The following BRINP3 variants were observed in gnomAD, a reference collection of about 807,000 sequenced individuals.
BRINP3 encodes BMP/retinoic acid inducible neural specific 3.
In BRINP3, 19 loss-of-function variants were observed where a neutral mutation model predicts 71.0. The observed-to-expected ratio is 0.27, with a 90% CI of 0.19 to 0.39. BRINP3 has a LOEUF of 0.39. Ranked by LOEUF, BRINP3 falls within the 10% of genes least tolerant of loss-of-function variation. BRINP3 has a pLI of 1.00. For synonymous variants in BRINP3, 380 were observed against 337.7 expected, an observed-to-expected ratio of 1.13 and a Z score of -1.37; for missense variants, 959 against 940.8, an observed-to-expected ratio of 1.02 and a Z score of -0.25.
intron 7 of BRINP3, among the ~76,000 whole-genome samples, chr1:190,130,634 G>T (rs747803156): frequency 1.3e-5 from 2 of 151,928 alleles, no homozygotes; most frequent in Non-Finnish European, 2.9e-5. Context: ...TCTAAAGAAC[G>T]GTAAGTATTC....
chr1:190,152,851 A>G (rs1285517001), intron 7 of BRINP3, among the ~76,000 whole-genome samples: 1 of 152,128 alleles, frequency 6.6e-6, no homozygotes, highest in Non-Finnish European at 1.5e-5. Flanking sequence ...TAGTATAATA[A>G]AGAGTACCAA....
At chr1:190,189,293 G>T (rs1230515654) in intron 6 of BRINP3, among the ~76,000 whole-genome samples, 1 of 152,048 alleles carries the variant, frequency 6.6e-6, no homozygotes. Context: ...TTGGACAGGA[G>T]ACTTTTTATT....
chr1:190,107,264 C>T (rs547827708), intron 7 of BRINP3, among the ~76,000 whole-genome samples: 11 of 151,894 alleles, frequency 7.2e-5, no homozygotes, highest in Admixed American at 2.0e-4. Flanking sequence ...ATATTTTCTT[C>T]GAAGCCTTTA....
intron 7 of BRINP3, among the ~76,000 whole-genome samples, chr1:190,100,018 G>A (rs1324019601): frequency 2.0e-5 from 3 of 152,128 alleles, no homozygotes; most frequent in Non-Finnish European, 4.4e-5. Flanking sequence ...TTTTCAGTTT[G>A]TTGCTTTCTC....
intron 2 of BRINP3, among the ~76,000 whole-genome samples, chr1:190,344,334 C>G (rs967647205): frequency 6.6e-6 from 1 of 151,784 alleles, no homozygotes; most frequent in African/African-American, 2.4e-5. Context: ...TGAGTAAATT[C>G]TCTAAGGTCA....
chr1:190,198,243 T>C (rs967259038), intron 6 of BRINP3, among the ~76,000 whole-genome samples: 2 of 152,146 alleles, frequency 1.3e-5, no homozygotes, highest in African/African-American at 4.8e-5. Flanking sequence ...AGGCCTGTGA[T>C]AGGAGAGACT....
chr1:190,220,949 T>C (rs920187612), intron 6 of BRINP3, among the ~76,000 whole-genome samples: 3 of 152,140 alleles, frequency 2.0e-5, no homozygotes, highest in African/African-American at 7.2e-5. Context: ...GTAAAATCTG[T>C]CAAAAACAGT....
intron 6 of BRINP3, among the ~76,000 whole-genome samples, chr1:190,220,126 G>A (rs1414986283): frequency 2.0e-5 from 3 of 151,922 alleles, no homozygotes; most frequent in African/African-American, 4.8e-5. Flanking sequence ...ATTCAATCCC[G>A]ATAAGACTAC....
At chr1:190,250,403 C>T (rs1431363212) in intron 4 of BRINP3, among the ~76,000 whole-genome samples, 1 of 151,850 alleles carries the variant, frequency 6.6e-6, no homozygotes, top group Non-Finnish European at 1.5e-5. Flanking sequence ...TCTTTTTTAA[C>T]TTGATATTTG....
intron 7 of BRINP3, among the ~76,000 whole-genome samples, chr1:190,115,658 C>A (rs930461059): frequency 1.3e-5 from 2 of 152,128 alleles, no homozygotes; most frequent in African/African-American, 4.8e-5. Flanking sequence ...CTCTGCCTCA[C>A]CAACCTCAGT....
intron 2 of BRINP3, among the ~76,000 whole-genome samples, chr1:190,383,335 A>T (rs569850303): frequency 2.0e-5 from 3 of 152,078 alleles, no homozygotes; most frequent in Non-Finnish European, 4.4e-5. Flanking sequence ...GGTAATTATG[A>T]GCACATACAG....
At chr1:190,376,399 G>A (rs1670183515) in intron 2 of BRINP3, among the ~76,000 whole-genome samples, 1 of 151,976 alleles carries the variant, frequency 6.6e-6, no homozygotes, top group Non-Finnish European at 1.5e-5. Flanking sequence ...AATCAGTGCT[G>A]TTAAATGAAA....
intron 6 of BRINP3, among the ~76,000 whole-genome samples, chr1:190,208,582 G>A (rs1440185940): frequency 6.6e-6 from 1 of 151,960 alleles, no homozygotes; most frequent in African/African-American, 2.4e-5. Flanking sequence ...AACAACCTCT[G>A]TCTCCCGGTT....
intron 7 of BRINP3, among the ~76,000 whole-genome samples, chr1:190,143,177 A>G (rs1655603334): frequency 6.6e-6 from 1 of 152,200 alleles, no homozygotes; most frequent in East Asian, 1.9e-4. Context: ...TACTTGTCCG[A>G]TTATCTTTCT....
chr1:190,412,588 A>G (rs984988449), intron 2 of BRINP3, among the ~76,000 whole-genome samples: 148 of 146,440 alleles, frequency 1.0e-3, no homozygotes, highest in Non-Finnish European at 1.7e-3. Flanking sequence ...TCAGCCTCCC[A>G]AGTAGCTGGG....
intron 6 of BRINP3, among the ~76,000 whole-genome samples, chr1:190,215,707 C>T (rs1483563977): frequency 6.6e-6 from 1 of 151,882 alleles, no homozygotes; most frequent in Non-Finnish European, 1.5e-5. Flanking sequence ...TGTTCTCTAA[C>T]AGTTACACCT....
intron 2 of BRINP3, among the ~76,000 whole-genome samples, chr1:190,386,247 ACT>A (rs1670893007): frequency 1.0e-5 from 1 of 96,742 alleles, no homozygotes; most frequent in Non-Finnish European, 2.5e-5. Flanking sequence ...AGAAAAAAAA[ACT>A]TAAAAAAAAA....
chr1:190,374,465 A>T (rs1670062461), intron 2 of BRINP3, among the ~76,000 whole-genome samples: 3 of 152,176 alleles, frequency 2.0e-5, no homozygotes, highest in African/African-American at 7.2e-5. Context: ...TCGTCAAAAG[A>T]GAAATTAGAA....
chr1:190,327,352 G>GAAAAAAAAAAAAAAAAAAAAAAAAAGA (rs796445574), intron 2 of BRINP3, among the ~76,000 whole-genome samples: 16 of 77,410 alleles, frequency 2.1e-4, no homozygotes, highest in East Asian at 3.7e-4. Flanking sequence ...AAAAAAAAAG[G>GAAAAAAAAAAAAAAAAAAAAAAAAAGA]AAAAAAAAAA....
Sources: allele counts gnomAD v4.1 joint callset (sites outside exome capture counted in the v4.1 genomes callset), GRCh38; gene constraint gnomAD v4.1.1; transcripts MANE v1.5; gene names NCBI Gene and HGNC (gene_info 2026-07-23, HGNC 2026-07-21).